Variants in PAN3 observed in about 807,000 individuals in gnomAD.
The protein encoded by PAN3 is PAN2-PAN3 deadenylation complex subunit PAN3.
Under a neutral mutation model 96.2 loss-of-function variants are expected in PAN3, and 19 were observed. The observed-to-expected ratio is 0.20, with a 90% CI of 0.14 to 0.29. PAN3 has a LOEUF of 0.29. Among genes scored for constraint, PAN3 ranks in the 10% least tolerant of loss-of-function variants. The probability of loss-of-function intolerance (pLI) is 1.00; values close to 1 mark genes in which losing one functional copy is unlikely to be tolerated. For missense variants in PAN3, 882 were observed against 1,108.1 expected, an observed-to-expected ratio of 0.80 and a Z score of 2.90; for synonymous variants, 433 against 406.6, an observed-to-expected ratio of 1.06 and a Z score of -0.78.
chr13:28,146,531 G>A (rs1870678885), intron 1 of PAN3, among the ~76,000 whole-genome samples: 1 of 152,008 alleles, frequency 6.6e-6, no homozygotes, highest in Non-Finnish European at 1.5e-5. Context: ...TATTATCTAG[G>A]TATGTGAGCA....
Position 28,215,170 on chromosome 13 carries a change from A to G in PAN3, c.853-5061A>G, listed in dbSNP as rs572059525. ...TTCAAGGGATGGAAAGTCACCCATAAAGATGGCAGCACCAGTGGAACCACA... is the reference window on the plus strand; with the variant it reads ...TTCAAGGGATGGAAAGTCACCCATAGAGATGGCAGCACCAGTGGAACCACA... On this transcript the variant is annotated intron_variant, in intron 5 of 18. Transcript: ENST00000380958. The G allele has an allele frequency of 3.8e-5, 27 of 715,098 alleles. 1 individual carries two copies. The highest frequency in any genetic ancestry group is 2.3e-4 in the East Asian group (9 of 39,366). 44.3% of individuals were successfully genotyped at this position (715,098 alleles called of 1,614,324 possible). A position where few individuals can be genotyped will look rare whatever the true frequency, so the allele number is the denominator to read the frequency against.
intron 9 of PAN3, 62 bp downstream of exon 9, chr13:28,261,520 C>T: frequency 1.4e-6 from 2 of 1,439,580 alleles, no homozygotes; most frequent in Non-Finnish European, 1.9e-6. Flanking sequence ...CGTGGTAGTA[C>T]ATGTTTTATG....
At chr13:28,285,252 A>G (rs1471376775) in intron 17 of PAN3, among the ~76,000 whole-genome samples, 1 of 152,154 alleles carries the variant, frequency 6.6e-6, no homozygotes, top group Non-Finnish European at 1.5e-5. Flanking sequence ...AAATAATGAT[A>G]GTTTCCTTCC....
chr13:28,276,070 A>G (rs1887032346), intron 14 of PAN3, among the ~76,000 whole-genome samples: 1 of 152,194 alleles, frequency 6.6e-6, no homozygotes, highest in Non-Finnish European at 1.5e-5. Flanking sequence ...TATTCCAACA[A>G]ACCAGTGGTT....
At chr13:28,275,257 A>G (rs1886963626) in intron 14 of PAN3, among the ~76,000 whole-genome samples, 1 of 152,162 alleles carries the variant, frequency 6.6e-6, no homozygotes, top group African/African-American at 2.4e-5. Context: ...CAAAAAGTGG[A>G]TGTTCTTACC....
chr13:28,213,769 T>C (rs1880362548), intron 5 of PAN3, among the ~76,000 whole-genome samples: 2 of 146,436 alleles, frequency 1.4e-5, no homozygotes, highest in African/African-American at 5.1e-5. Context: ...AACTTCGTAA[T>C]AGAAAATTTA....
At chr13:28,139,752 T>C (rs1869429769) in intron 1 of PAN3, among the ~76,000 whole-genome samples, 1 of 152,068 alleles carries the variant, frequency 6.6e-6, no homozygotes, top group Admixed American at 6.6e-5. Flanking sequence ...AAGACGCATT[T>C]CATCTGAGTT....
chr13:28,182,003 A>T (rs563989537), intron 4 of PAN3, among the ~76,000 whole-genome samples: 4 of 152,346 alleles, frequency 2.6e-5, no homozygotes, highest in African/African-American at 9.6e-5. Flanking sequence ...TAATAGCAAG[A>T]TAGATAAAAT....
intron 6 of PAN3, chr13:28,232,418 C>T (rs1265266642): frequency 1.3e-5 from 2 of 151,856 alleles, no homozygotes; most frequent in Admixed American, 6.6e-5. Context: ...ATTTGACCCA[C>T]TTTAAATGGG....
chr13:28,280,342 A>T lies in PAN3; in HGVS notation c.2190-70A>T, dbSNP rs1467672041. On this transcript the variant is annotated intron_variant, in intron 15 of 18. Coordinates refer to ENST00000380958, the MANE Select transcript of PAN3 (RefSeq NM_175854.8). ...TAAGATGACGGCAGCCAAAACAGCT[A>T]TGTTTGGGTTATCTTGTTTTTTAAA... 6.0e-6 allele frequency: 9 copies of T among 1,498,278 alleles called. No homozygotes were observed. In the East Asian group the frequency reaches 1.7e-4, roughly 28 times the overall value. The allele number at this position is 1,498,278 out of a possible 1,614,324, so 92.8% of individuals were successfully genotyped here.
chr13:28,190,930 G>A (rs1877178883), intron 4 of PAN3, among the ~76,000 whole-genome samples: 1 of 152,198 alleles, frequency 6.6e-6, no homozygotes, highest in East Asian at 1.9e-4. Context: ...GAGCACAAAA[G>A]CTGGTTATCA....
intron 1 of PAN3, among the ~76,000 whole-genome samples, chr13:28,163,964 G>A (rs1873214494): frequency 6.6e-6 from 1 of 152,038 alleles, no homozygotes; most frequent in Admixed American, 6.6e-5. Context: ...ATAGTGGTGT[G>A]CGCCTGTAGT....
intron 9 of PAN3, among the ~76,000 whole-genome samples, chr13:28,265,038 A>G (rs1433269315): frequency 6.6e-6 from 1 of 152,240 alleles, no homozygotes; most frequent in Non-Finnish European, 1.5e-5. Context: ...GTAGATGCTC[A>G]GTATATTTTG....
At chr13:28,190,592 G>A (rs1347660145) in intron 4 of PAN3, among the ~76,000 whole-genome samples, 2 of 152,124 alleles carry the variant, frequency 1.3e-5, no homozygotes, top group Non-Finnish European at 2.9e-5. Flanking sequence ...GAAAAGGGGT[G>A]TATTAGTCCA....
intron 17 of PAN3, among the ~76,000 whole-genome samples, chr13:28,286,188 TG>T (rs1265608918): frequency 6.6e-6 from 1 of 152,206 alleles, no homozygotes; most frequent in African/African-American, 2.4e-5. Context: ...CAGCATCCCC[TG>T]AAAAGAATCT....
intron 6 of PAN3, among the ~76,000 whole-genome samples, chr13:28,233,299 C>G (rs1030436051): frequency 1.3e-5 from 2 of 148,676 alleles, no homozygotes; most frequent in Admixed American, 6.7e-5. Flanking sequence ...CGGAGTCTCA[C>G]TCTATTGCCC....
At chr13:28,189,321 G>T (rs1876899549) in intron 4 of PAN3, among the ~76,000 whole-genome samples, 1 of 152,130 alleles carries the variant, frequency 6.6e-6, no homozygotes, top group African/African-American at 2.4e-5. Context: ...TTCAAGACCA[G>T]CCTGGCCAAC....
intron 15 of PAN3, 115 bp downstream of exon 15, chr13:28,277,491 ACTTTATGT>A (rs373817632): frequency 3.0e-6 from 3 of 1,012,224 alleles, no homozygotes. Context: ...CAAAACAGAA[ACTTTATGT>A]CTTTATTTTT....
chr13:28,291,134 A>G (rs1593650060), intron 18 of PAN3, among the ~76,000 whole-genome samples: 1 of 152,338 alleles, frequency 6.6e-6, no homozygotes, highest in East Asian at 1.9e-4. Flanking sequence ...GATTGATTAT[A>G]CAAAATTAAG....
Sources: allele counts gnomAD v4.1 joint callset (sites outside exome capture counted in the v4.1 genomes callset), GRCh38; gene constraint gnomAD v4.1.1; transcripts MANE v1.5; gene names NCBI Gene and HGNC (gene_info 2026-07-23, HGNC 2026-07-21).